RANBP2: variants seen among roughly 807,000 people sequenced by gnomAD.
RANBP2 encodes RAN binding protein 2.
A neutral mutation model predicts 303.6 loss-of-function variants in RANBP2; 57 were observed. The observed-to-expected ratio is 0.19, with a 90% CI of 0.15 to 0.23. RANBP2 has a LOEUF of 0.23. RANBP2 is among the 10% of genes least tolerant of loss of function. The pLI is 1.00. For synonymous variants in RANBP2, 1,167 were observed against 1,301.5 expected, an observed-to-expected ratio of 0.90 and a Z score of 2.23; for missense variants, 3,138 against 3,780.8, an observed-to-expected ratio of 0.83 and a Z score of 4.46.
chr2:109,644,381 G>T, the RANBP2 span, among the ~76,000 whole-genome samples: 7 of 152,150 alleles, frequency 4.6e-5, no homozygotes, highest in East Asian at 1.3e-3. Flanking sequence ...CAATTTCCCT[G>T]TGTTGATGAA....
At chr2:109,450,389 C>T in the RANBP2 span, among the ~76,000 whole-genome samples, 2 of 151,690 alleles carry the variant, frequency 1.3e-5, no homozygotes, top group South Asian at 4.2e-4. Flanking sequence ...GTCCAAGAAA[C>T]TTGTTCCGGT....
chr2:109,339,415 C>T, the RANBP2 span, among the ~76,000 whole-genome samples: 1 of 152,168 alleles, frequency 6.6e-6, no homozygotes, highest in African/African-American at 2.4e-5. Flanking sequence ...CTCTTCCCTC[C>T]TGTCCTCTTG....
Position 108,764,215 on chromosome 2 carries a change from A to G in RANBP2, c.3676A>G (p.Thr1226Ala). 1.9e-6 allele frequency: 3 copies of G among 1,614,066 alleles called. No individual in the cohort carries two copies. Among genetic ancestry groups the G allele is most frequent in the Non-Finnish European group, 2.5e-6 (3 of 1,179,978 alleles). ...CAATGTAAAAATACTGAGGCATAAA[A>G]CATCTGGTAAAATTCGCCTTCTAAT... ...IGNVKILRHK[T>A]SGKIRLLMRR... The change falls in exon 20 of 29, where the codon ACA (threonine) becomes GCA (alanine). Residue 1226 changes from threonine to alanine, a missense_variant. This residue lies in a region of RANBP2 where 72 missense variants were observed against 119.5 expected (regional missense o/e 0.60). Coordinates refer to ENST00000283195, the MANE Select transcript of RANBP2 (RefSeq NM_006267.5).
At chr2:108,920,981 T>C in the RANBP2 span, among the ~76,000 whole-genome samples, 1 of 152,102 alleles carries the variant, frequency 6.6e-6, no homozygotes, top group African/African-American at 2.4e-5. Context: ...TAACCTACCG[T>C]AGTGGTTCCC....
the RANBP2 span, among the ~76,000 whole-genome samples, chr2:108,946,493 AC>A: frequency 6.6e-6 from 1 of 152,242 alleles, no homozygotes; most frequent in African/African-American, 2.4e-5. Context: ...TATTTTACAT[AC>A]TAAAAAGTGG....
At chr2:109,442,934 C>CA in the RANBP2 span, among the ~76,000 whole-genome samples, 1 of 152,100 alleles carries the variant, frequency 6.6e-6, no homozygotes, top group Non-Finnish European at 1.5e-5. Context: ...TAAAAACAAA[C>CA]AAAAAACCAA....
At chr2:109,236,128 A>AT in the RANBP2 span, among the ~76,000 whole-genome samples, 1 of 152,196 alleles carries the variant, frequency 6.6e-6, no homozygotes, top group Non-Finnish European at 1.5e-5. Context: ...TCCAAGATCA[A>AT]TAGTTTATTT....
chr2:109,537,946 T>A, the RANBP2 span, among the ~76,000 whole-genome samples: 3 of 152,022 alleles, frequency 2.0e-5, no homozygotes, highest in African/African-American at 7.2e-5. Flanking sequence ...AGATCCTGTC[T>A]CAAAACACAC....
chr2:109,392,684 A>G, the RANBP2 span, among the ~76,000 whole-genome samples: 1 of 151,328 alleles, frequency 6.6e-6, no homozygotes, highest in African/African-American at 2.4e-5. Flanking sequence ...ACGCCCGGCT[A>G]ATTTTTTTTT....
the RANBP2 span, among the ~76,000 whole-genome samples, chr2:109,130,886 A>G: frequency 1.5e-3 from 221 of 152,294 alleles, no homozygotes; most frequent in South Asian, 8.3e-3. Flanking sequence ...ACAGCTTCTT[A>G]TTACACACCC....
the RANBP2 span, among the ~76,000 whole-genome samples, chr2:109,401,180 C>A: frequency 6.6e-6 from 1 of 152,210 alleles, no homozygotes; most frequent in Non-Finnish European, 1.5e-5. Context: ...TGTTTGTCAC[C>A]AATGACAAAG....
the RANBP2 span, among the ~76,000 whole-genome samples, chr2:109,230,614 C>G: frequency 6.6e-6 from 1 of 152,076 alleles, no homozygotes; most frequent in Non-Finnish European, 1.5e-5. Context: ...AACTGTAACC[C>G]CATTGTAAGT....
chr2:109,532,629 A>G, the RANBP2 span, among the ~76,000 whole-genome samples: 1 of 152,122 alleles, frequency 6.6e-6, no homozygotes, highest in Admixed American at 6.5e-5. Context: ...GCTGCCATGT[A>G]TGATGGGGAC....
chr2:108,726,690 T>G (rs1034470490), intron 1 of RANBP2, among the ~76,000 whole-genome samples: 13 of 151,878 alleles, frequency 8.6e-5, no homozygotes, highest in Middle Eastern at 6.8e-3. Flanking sequence ...GAGGGGGATT[T>G]GGCAGGGTCA....
the RANBP2 span, among the ~76,000 whole-genome samples, chr2:109,610,584 C>T: frequency 4.6e-5 from 7 of 152,080 alleles, no homozygotes; most frequent in Non-Finnish European, 1.0e-4. Flanking sequence ...GGCGTGGTGG[C>T]ACATGCCTGT....
At chr2:108,972,721 T>A in the RANBP2 span, among the ~76,000 whole-genome samples, 1 of 152,346 alleles carries the variant, frequency 6.6e-6, no homozygotes, top group Non-Finnish European at 1.5e-5. Context: ...CCTCATCTGA[T>A]TTGTCAGTCA....
chr2:109,123,231 G>A, the RANBP2 span, among the ~76,000 whole-genome samples: 1 of 152,096 alleles, frequency 6.6e-6, no homozygotes, highest in African/African-American at 2.4e-5. Context: ...TAACTAGACA[G>A]GTGCCCTGAG....
the RANBP2 span, among the ~76,000 whole-genome samples, chr2:109,392,411 A>T: frequency 6.6e-6 from 1 of 152,200 alleles, no homozygotes; most frequent in Non-Finnish European, 1.5e-5. Context: ...TAAAATGGCC[A>T]CATTGCTGTC....
the RANBP2 span, among the ~76,000 whole-genome samples, chr2:109,723,301 G>A: frequency 1.3e-5 from 2 of 152,206 alleles, no homozygotes; most frequent in Admixed American, 1.3e-4. Flanking sequence ...ACAGGTGTGT[G>A]CCACACGCCC....
Sources: allele counts gnomAD v4.1 joint callset (sites outside exome capture counted in the v4.1 genomes callset), GRCh38; gene constraint gnomAD v4.1.1; regional missense constraint gnomAD v4.1.1; transcripts MANE v1.5; gene names NCBI Gene and HGNC (gene_info 2026-07-23, HGNC 2026-07-21).